LYN: variants seen among roughly 807,000 people sequenced by gnomAD.
LYN encodes tyrosine-protein kinase Lyn.
LYN carries 12 observed loss-of-function variants against 65.0 expected under a neutral mutation model. The ratio of observed to expected loss-of-function variants is 0.18; its 90% CI spans 0.12 to 0.30. The LOEUF is 0.30. LYN is among the 10% of genes least tolerant of loss of function. The pLI is 1.00. For synonymous variants in LYN, 222 were observed against 221.2 expected (o/e 1.00, Z -0.03); for missense variants, 380 against 623.2 (o/e 0.61, Z 4.16).
At chr8:55,981,330 T>C (rs975932054) in intron 10 of LYN, among the ~76,000 whole-genome samples, 6 of 152,234 alleles carry the variant, frequency 3.9e-5, no homozygotes, top group Non-Finnish European at 8.8e-5. Flanking sequence ...AGTTCTTCTT[T>C]ACCTTTTTAT....
At chr8:55,910,497 T>C (rs1039226515) in intron 1 of LYN, among the ~76,000 whole-genome samples, 6 of 152,204 alleles carry the variant, frequency 3.9e-5, no homozygotes, top group Admixed American at 3.9e-4. Context: ...TTCTGTCCCA[T>C]TGATCTGTGT....
Position 55,892,227 on chromosome 8 carries a change from C to T in LYN, c.-6+12124C>T, listed in dbSNP as rs1804980208. 2.6e-5 allele frequency among the ~76,000 whole-genome samples: 4 copies of T among 152,284 alleles called. No homozygotes were observed. The South Asian group carries it at 8.3e-4, about 32-fold the overall frequency. On this transcript the variant is annotated intron_variant, in intron 1 of 12. Coordinates refer to ENST00000519728, the MANE Select transcript of LYN (RefSeq NM_002350.4). ...CACGAGGTCAGGAGTTCAAGACCAG[C>T]CTGGTCAACAAAGTGAAACCCCATC...
chr8:55,889,409 GC>G (rs1247469332), intron 1 of LYN, among the ~76,000 whole-genome samples: 1 of 152,128 alleles, frequency 6.6e-6, no homozygotes, highest in Non-Finnish European at 1.5e-5. Context: ...GGCCATGTTG[GC>G]CAGCCTGGTG....
intron 1 of LYN, among the ~76,000 whole-genome samples, chr8:55,925,086 G>A (rs1249116959): frequency 2.6e-5 from 4 of 151,870 alleles, no homozygotes; most frequent in Admixed American, 2.6e-4. Context: ...GCCTTCCAAA[G>A]TGTTGGGATT....
chr8:55,922,231 G>A (rs981425944), intron 1 of LYN, among the ~76,000 whole-genome samples: 1 of 152,130 alleles, frequency 6.6e-6, no homozygotes, highest in Non-Finnish European at 1.5e-5. Flanking sequence ...GGGCCTACAG[G>A]CATGTGCCAC....
intron 1 of LYN, among the ~76,000 whole-genome samples, chr8:55,911,222 TATATAC>T (rs1401591333): frequency 3.2e-5 from 1 of 31,624 alleles, no homozygotes; most frequent in Non-Finnish European, 6.8e-5. Context: ...CGTGTATATA[TATATAC>T]ATATACATAT....
At chr8:55,949,737 GTC>G (rs141389031) in intron 4 of LYN, among the ~76,000 whole-genome samples, 1 of 151,584 alleles carries the variant, frequency 6.6e-6, no homozygotes, top group African/African-American at 2.4e-5. Flanking sequence ...TCTTTTCTTT[GTC>G]TCTCTCTCTC....
chr8:55,895,296 A>G (rs1805063596), intron 1 of LYN, among the ~76,000 whole-genome samples: 1 of 152,188 alleles, frequency 6.6e-6, no homozygotes, highest in African/African-American at 2.4e-5. Flanking sequence ...ACAGTTTCCA[A>G]GTGAAGAAGT....
chr8:55,966,692 C>A lies in LYN; in HGVS notation c.791-23C>A. 3.1e-6 allele frequency: 5 copies of A among 1,605,936 alleles called. No homozygotes were observed. The South Asian group carries it at 5.5e-5, about 18-fold the overall frequency. On this transcript the variant is annotated intron_variant, in intron 8 of 12. Transcript: ENST00000519728. ...TAGATTTTCTGTTTTATAAAGCATG[C>A]CCGCCTTCTTTTTTCTTCCTAGGTT... is the stretch of plus-strand genomic sequence containing the variant.
chr8:55,922,865 G>A (rs1805985704), intron 1 of LYN, among the ~76,000 whole-genome samples: 1 of 152,178 alleles, frequency 6.6e-6, no homozygotes, highest in African/African-American at 2.4e-5. Context: ...GGCAACCTCA[G>A]CAACCTGGGA....
intron 1 of LYN, among the ~76,000 whole-genome samples, chr8:55,930,080 GA>G (rs2130449752): frequency 6.6e-6 from 1 of 152,298 alleles, no homozygotes; most frequent in South Asian, 2.1e-4. Flanking sequence ...TGCTCCTTGT[GA>G]AACAGTTTCA....
chr8:55,923,899 A>G (rs76483933), intron 1 of LYN, among the ~76,000 whole-genome samples: 1 of 151,804 alleles, frequency 6.6e-6, no homozygotes, highest in Non-Finnish European at 1.5e-5. Flanking sequence ...AAAAAAAAAA[A>G]TACACATACA....
At chr8:55,892,439 A>G (rs2130365034) in intron 1 of LYN, among the ~76,000 whole-genome samples, 1 of 152,318 alleles carries the variant, frequency 6.6e-6, no homozygotes, top group African/African-American at 2.4e-5. Flanking sequence ...AATACATAAA[A>G]AAGTTGCATT....
intron 4 of LYN, among the ~76,000 whole-genome samples, chr8:55,949,816 A>G (rs890044919): frequency 5.3e-5 from 8 of 152,158 alleles, no homozygotes; most frequent in Non-Finnish European, 7.4e-5. Flanking sequence ...TGTACAATTC[A>G]GTGATTTTTT....
At position 55,998,356 on chromosome 8, in the gene LYN, G is replaced by T; in HGVS notation, c.1061G>T (p.Gly354Val). Residue 354 changes from glycine to valine, a missense_variant, in exon 11 of 13, where the codon GGA (glycine) becomes GTA (valine). This residue lies in a region of LYN where 223 missense variants were observed against 430.0 expected (regional missense o/e 0.52). Transcript: ENST00000519728. ...LIDFSAQIAEGMAYIERKNYI... is the reference protein window; with the variant it reads ...LIDFSAQIAEVMAYIERKNYI... ...TATTTCTGTTTTCAGATTGCAGAGG[G>T]AATGGCATACATCGAGCGGAAGAAC... 1 of 1,610,314 alleles carries T rather than the reference G, an allele frequency of 6.2e-7. No individual in the cohort carries two copies. Among genetic ancestry groups the T allele is most frequent in the South Asian group, 1.1e-5 (1 of 91,008 alleles).
At chr8:55,938,766 C>CA (rs1471349502) in intron 1 of LYN, among the ~76,000 whole-genome samples, 1 of 152,134 alleles carries the variant, frequency 6.6e-6, no homozygotes, top group Non-Finnish European at 1.5e-5. Context: ...ACATGCATTT[C>CA]AAAATACCCA....
intron 10 of LYN, among the ~76,000 whole-genome samples, chr8:55,983,365 A>T (rs576572078): frequency 1.8e-3 from 269 of 152,300 alleles, no homozygotes; most frequent in Non-Finnish European, 3.3e-3. Flanking sequence ...ACACTGTTCT[A>T]GAAATTCCGC....
intron 1 of LYN, among the ~76,000 whole-genome samples, chr8:55,918,865 C>T (rs1411516116): frequency 1.3e-5 from 2 of 151,948 alleles, no homozygotes; most frequent in Non-Finnish European, 2.9e-5. Context: ...TGAGATTTCT[C>T]CACCTTCACG....
intron 1 of LYN, among the ~76,000 whole-genome samples, chr8:55,884,778 T>G (rs575905069): frequency 2.8e-4 from 43 of 152,284 alleles, no homozygotes; most frequent in African/African-American, 9.9e-4. Flanking sequence ...AAGAGCAAGT[T>G]TAAATACTTG....
Sources: allele counts gnomAD v4.1 joint callset (sites outside exome capture counted in the v4.1 genomes callset), GRCh38; gene constraint gnomAD v4.1.1; regional missense constraint gnomAD v4.1.1; transcripts MANE v1.5; gene names NCBI Gene and HGNC (gene_info 2026-07-23, HGNC 2026-07-21).